The following ATP9B variants were observed in gnomAD, a reference collection of about 807,000 sequenced individuals.
ATP9B encodes the protein probable phospholipid-transporting ATPase IIB.
Under a neutral mutation model 146.1 loss-of-function variants are expected in ATP9B, and 110 were observed. The ratio of observed to expected loss-of-function variants is 0.75; its 90% confidence interval spans 0.65 to 0.88. The LOEUF is 0.88. Among genes scored for constraint, ATP9B ranks in the 40% least tolerant of loss-of-function variants. The pLI is 0.00. For synonymous variants in ATP9B, 604 were observed against 569.7 expected (o/e 1.06, Z -0.86); for missense variants, 1,499 against 1,496.4 (o/e 1.00, Z -0.03).
intron 1 of ATP9B, among the ~76,000 whole-genome samples, chr18:79,094,069 G>T (rs1301290636): frequency 6.6e-6 from 1 of 152,188 alleles, no homozygotes; most frequent in African/African-American, 2.4e-5. Flanking sequence ...CATTGACCTG[G>T]GTAGGTTTAG....
At chr18:79,307,599 C>T (rs1269784806) in intron 15 of ATP9B, among the ~76,000 whole-genome samples, 1 of 152,156 alleles carries the variant, frequency 6.6e-6, no homozygotes, top group Non-Finnish European at 1.5e-5. Flanking sequence ...CTATGGATTC[C>T]GTGTCCAAAT....
intron 9 of ATP9B, among the ~76,000 whole-genome samples, chr18:79,203,249 G>A (rs998488765): frequency 1.3e-5 from 2 of 149,576 alleles, no homozygotes; most frequent in African/African-American, 2.5e-5. Context: ...CCTGATGAGC[G>A]ATAGAGGCAG....
intron 28 of ATP9B, among the ~76,000 whole-genome samples, chr18:79,374,924 C>T (rs1339157423): frequency 2.0e-5 from 3 of 152,220 alleles, no homozygotes; most frequent in Non-Finnish European, 4.4e-5. Context: ...GCATCACGGG[C>T]GTGGGCAGGA....
chr18:79,309,695 C>T (rs1226698200), intron 15 of ATP9B, among the ~76,000 whole-genome samples: 2 of 151,676 alleles, frequency 1.3e-5, no homozygotes, highest in African/African-American at 4.9e-5. Flanking sequence ...AGGAGTGATC[C>T]CCAGCAGGTA....
chr18:79,316,575 G>A (rs1358035491), intron 15 of ATP9B, among the ~76,000 whole-genome samples: 5 of 152,140 alleles, frequency 3.3e-5, no homozygotes, highest in Admixed American at 1.3e-4. Context: ...AGCTCTTGCA[G>A]GGATCCACCT....
At chr18:79,070,076 G>GT (rs2071543303) in intron 1 of ATP9B, among the ~76,000 whole-genome samples, 1 of 152,176 alleles carries the variant, frequency 6.6e-6, no homozygotes, top group African/African-American at 2.4e-5. Context: ...GGGAAATGGG[G>GT]TATTGAGAAC....
chr18:79,108,071 T>G (rs1599603671), intron 2 of ATP9B, among the ~76,000 whole-genome samples: 1 of 152,124 alleles, frequency 6.6e-6, no homozygotes, highest in Non-Finnish European at 1.5e-5. Context: ...TGATGATTTA[T>G]AGCTGCTGTT....
At chr18:79,217,172 C>A (rs2095635056) in intron 11 of ATP9B, among the ~76,000 whole-genome samples, 1 of 152,148 alleles carries the variant, frequency 6.6e-6, no homozygotes, top group Non-Finnish European at 1.5e-5. Context: ...GTATTTATTT[C>A]TTTGTTTGTT....
At chr18:79,342,490 AT>A in intron 20 of ATP9B, 124 bp downstream of exon 20, 2 of 609,332 alleles carry the variant, frequency 3.3e-6, no homozygotes, top group Non-Finnish European at 5.3e-6. Flanking sequence ...AACTACTGTA[AT>A]TTTTTTAATT....
chr18:79,296,462 C>T (rs1026804436), intron 13 of ATP9B, among the ~76,000 whole-genome samples: 5 of 152,186 alleles, frequency 3.3e-5, no homozygotes, highest in South Asian at 4.1e-4. Flanking sequence ...GAGAATCCTA[C>T]GCTAGCTGCA....
chr18:79,359,828 C>T, intron 26 of ATP9B: 1 of 252,508 alleles, frequency 4.0e-6, no homozygotes, highest in South Asian at 4.9e-5. Context: ...CTCCCCCGGA[C>T]AGCGTCACTG....
chr18:79,096,378 GAA>G (rs1376327661), intron 1 of ATP9B, 96 bp from the exon 2 acceptor site: 1 of 1,154,944 alleles, frequency 8.7e-7, no homozygotes, highest in African/African-American at 1.6e-5. Context: ...TCCCTCAGCT[GAA>G]GACAGCCTAA....
chr18:79,312,724 A>G (rs907907465), intron 15 of ATP9B, among the ~76,000 whole-genome samples: 1 of 152,196 alleles, frequency 6.6e-6, no homozygotes, highest in Non-Finnish European at 1.5e-5. Flanking sequence ...TTAAAACTAT[A>G]TTAGTGGAAG....
chr18:79,359,306 G>C, intron 25 of ATP9B, 48 bp from the exon 26 acceptor site: 1 of 1,395,456 alleles, frequency 7.2e-7, no homozygotes, highest in Non-Finnish European at 1.0e-6. Flanking sequence ...TTCTAGCTGT[G>C]TGGTAGAAGT....
chr18:79,334,121 G>T (rs1452560012), intron 17 of ATP9B, among the ~76,000 whole-genome samples: 2 of 152,144 alleles, frequency 1.3e-5, no homozygotes, highest in East Asian at 1.9e-4. Flanking sequence ...ACTTTGAGAG[G>T]CTGAGGTGGG....
At chr18:79,338,945 C>T (rs2096841731) in intron 19 of ATP9B, among the ~76,000 whole-genome samples, 1 of 152,236 alleles carries the variant, frequency 6.6e-6, no homozygotes, top group South Asian at 2.1e-4. Flanking sequence ...ATACATCCCA[C>T]AAGCCTTGAT....
intron 18 of ATP9B, 129 bp downstream of exon 18, chr18:79,336,840 C>T: frequency 2.3e-6 from 2 of 883,388 alleles, no homozygotes; most frequent in Non-Finnish European, 1.8e-6. Context: ...CAGCTTCGCT[C>T]AGCAGGAGCA....
In ATP9B at chr18:79,341,248, G is replaced by A. The variant is rs375144555; in HGVS notation, c.2284-1020G>A. On this transcript the variant is annotated intron_variant, in intron 19 of 29. Coordinates refer to ENST00000426216, the MANE Select transcript of ATP9B (RefSeq NM_198531.5). ...ATTGCCGACACACCATTTAGTTGTG[G>A]TTGGATGTGTGTAGCGTGACCTCGT... is the stretch of plus-strand genomic sequence containing the variant. 1.3e-4 allele frequency among the ~76,000 whole-genome samples: 20 copies of A among 150,270 alleles called. No individual in the cohort carries two copies. The South Asian group carries it at 4.3e-3, about 32-fold the overall frequency.
At chr18:79,143,993 G>A (rs957267971) in intron 6 of ATP9B, 133 bp downstream of exon 6, 2 of 523,950 alleles carry the variant, frequency 3.8e-6, no homozygotes, top group East Asian at 3.1e-5. Flanking sequence ...TGTAAGATTT[G>A]TTGTATGTGA....
Sources: gnomAD v4.1 joint callset for allele counts (sites outside exome capture counted in the v4.1 genomes callset) on GRCh38, gnomAD v4.1.1 for gene constraint, MANE v1.5 for transcripts, NCBI Gene and HGNC (gene_info 2026-07-23, HGNC 2026-07-21) for gene names.